AGXT2: variants seen among roughly 807,000 people sequenced by gnomAD.
AGXT2 encodes the protein alanine--glyoxylate aminotransferase 2, also known as alanine--glyoxylate aminotransferase 2, mitochondrial.
AGXT2 carries 61 observed loss-of-function variants against 62.5 expected under a neutral mutation model. That is an observed-to-expected ratio of 0.98 (90% confidence interval 0.79 to 1.21). The LOEUF is 1.21. Ranked by LOEUF, AGXT2 falls within the 50% of genes most tolerant of loss-of-function variation. AGXT2 has a pLI of 0.00. For synonymous variants in AGXT2, 243 were observed against 218.7 expected (o/e 1.11, Z -0.98); for missense variants, 666 against 641.5 (o/e 1.04, Z -0.41).
At position 35,033,464 on chromosome 5, in the gene AGXT2, T is replaced by C. The variant is rs754911570; in HGVS notation, c.671A>G (p.Gln224Arg). 3 of 1,611,144 alleles carry C rather than the reference T, an allele frequency of 1.9e-6. No individual in the cohort carries two copies. In the South Asian group the frequency reaches 3.3e-5, roughly 18 times the overall value. ...GAGAAAAATCTCCAAACTCACTGGT[T>C]GGCAACCTGTCCCACCAGGGAGTTC... ...KMELPGGTGC[Q>R]PTMCPDVFRG... Residue 224 changes from glutamine (Q) to arginine (R), a missense_variant, in exon 6 of 14, where the codon CAA (glutamine) becomes CGA (arginine). Gln to Arg is a conservative substitution (Grantham distance 43). Coordinates refer to ENST00000231420, the MANE Select transcript of AGXT2 (RefSeq NM_031900.4).
chr5:35,012,231 A>G (rs952382451), intron 11 of AGXT2, among the ~76,000 whole-genome samples: 18 of 151,580 alleles, frequency 1.2e-4, no homozygotes, highest in African/African-American at 4.4e-4. Flanking sequence ...AGCTATTGAA[A>G]TAAATAAATA....
chr5:35,043,881 C>A (rs183451843), intron 1 of AGXT2, among the ~76,000 whole-genome samples: 66 of 152,096 alleles, frequency 4.3e-4, no homozygotes, highest in African/African-American at 1.5e-3. Flanking sequence ...TAGTAGAGAT[C>A]GGGTTTCTCC....
chr5:35,003,082 C>T (rs926743901), intron 13 of AGXT2, among the ~76,000 whole-genome samples: 2 of 152,194 alleles, frequency 1.3e-5, no homozygotes, highest in African/African-American at 4.8e-5. Flanking sequence ...TGAGGGGCAG[C>T]CTCTCGGGCA....
intron 13 of AGXT2, among the ~76,000 whole-genome samples, chr5:35,002,378 A>C (rs993936735): frequency 6.6e-6 from 1 of 152,206 alleles, no homozygotes; most frequent in African/African-American, 2.4e-5. Context: ...GGGAGCTTGG[A>C]GAAACAAGCA....
At chr5:35,008,832 G>A (rs539048031) in intron 12 of AGXT2, among the ~76,000 whole-genome samples, 114 of 152,286 alleles carry the variant, frequency 7.5e-4, no homozygotes, top group Admixed American at 2.7e-3. Flanking sequence ...GGGAAAGCTG[G>A]ATCCCTGTAG....
rs6869188 is a variant in AGXT2, at chr5:35,041,220, C to T, written c.89-557G>A. ...AGACCCAGAAGACAAAACCTCCCCC[C>T]GCCAAAAAAAAAAAAAAAAAAAGGC... is the stretch of plus-strand genomic sequence containing the variant. On this transcript the variant is annotated intron_variant, in intron 1 of 13. Transcript: ENST00000231420. Among the ~76,000 whole-genome samples the T allele has an allele frequency of 0.025, 279 of 11,344 alleles. 1 individual carries two copies. The Middle Eastern group carries it at 0.38, about 15-fold the overall frequency. The allele number at this position is 11,344 out of a possible 152,430, so 7.4% of individuals were successfully genotyped here.
At chr5:35,045,241 T>C (rs1768141168) in intron 1 of AGXT2, among the ~76,000 whole-genome samples, 1 of 152,202 alleles carries the variant, frequency 6.6e-6, no homozygotes, top group African/African-American at 2.4e-5. Context: ...ACAGTAACTA[T>C]GTAGATACTA....
intron 8 of AGXT2, 31 bp downstream of exon 8, chr5:35,026,358 TTCTGATAATTGAAGATTCAGC>T: frequency 6.9e-7 from 1 of 1,453,184 alleles, no homozygotes; most frequent in Non-Finnish European, 9.7e-7. Flanking sequence ...AGTTAAAACT[TTCTGATAATTGAAGATTCAGC>T]TCCATTAATG....
At position 35,044,479 on chromosome 5, in the gene AGXT2, G is replaced by C. The variant is rs143780566; in HGVS notation, c.88+3326C>G. 3.1e-4 allele frequency among the ~76,000 whole-genome samples: 47 copies of C among 152,332 alleles called. 1 individual carries two copies. The highest frequency in any genetic ancestry group is 1.1e-3 in the African/African-American group (46 of 41,572). ...CCTCTGTCCCATGCGTGCTCTGGGT[G>C]CAAGGATGATGGCAGTGAATGCCAG... is the stretch of plus-strand genomic sequence containing the variant. On this transcript the variant is annotated intron_variant, in intron 1 of 13. Transcript: ENST00000231420.
At chr5:35,023,967 CATTG>C (rs1767224086) in intron 9 of AGXT2, among the ~76,000 whole-genome samples, 1 of 152,152 alleles carries the variant, frequency 6.6e-6, no homozygotes, top group African/African-American at 2.4e-5. Flanking sequence ...GATCTTGGCT[CATTG>C]CAACCTCCAC....
In AGXT2 at chr5:35,002,439, C is replaced by T. The variant is rs138556804; in HGVS notation, c.1437+1324G>A. Among the ~76,000 whole-genome samples, 344 of 152,288 alleles carry T rather than the reference C, an allele frequency of 2.3e-3. 2 individuals are homozygous for T. Among genetic ancestry groups the T allele is most frequent in the Non-Finnish European group, 3.7e-3 (252 of 68,016 alleles). On this transcript the variant is annotated intron_variant, in intron 13 of 13. Coordinates refer to ENST00000231420, the MANE Select transcript of AGXT2 (RefSeq NM_031900.4). ...AAGGAGAAATGCCTCATTTCTGGAA[C>T]CTTCAGGGAAGGAAGTGCTATGATC...
At chr5:35,001,599 G>A (rs1286707758) in intron 13 of AGXT2, among the ~76,000 whole-genome samples, 1 of 152,164 alleles carries the variant, frequency 6.6e-6, no homozygotes, top group East Asian at 1.9e-4. Flanking sequence ...AAATGAGTCA[G>A]TTCATGCAAA....
At chr5:35,041,534 T>C (rs1384273829) in intron 1 of AGXT2, among the ~76,000 whole-genome samples, 5 of 151,920 alleles carry the variant, frequency 3.3e-5, no homozygotes, top group Non-Finnish European at 7.4e-5. Context: ...CCTGCAGCAG[T>C]GGGATGGAAT....
At chr5:35,038,255 A>G (rs188412327) in intron 3 of AGXT2, among the ~76,000 whole-genome samples, 1 of 152,314 alleles carries the variant, frequency 6.6e-6, no homozygotes, top group East Asian at 1.9e-4. Flanking sequence ...AAAAGAAGAG[A>G]CATTTGACAA....
At chr5:35,027,107 A>G (rs886806960) in intron 7 of AGXT2, 2 of 741,246 alleles carry the variant, frequency 2.7e-6, no homozygotes, top group Non-Finnish European at 3.3e-6. Flanking sequence ...TCTCCGATTA[A>G]TCAGGAGGTT....
At chr5:35,029,568 A>G (rs1308265457) in intron 7 of AGXT2, among the ~76,000 whole-genome samples, 1 of 152,246 alleles carries the variant, frequency 6.6e-6, no homozygotes. Flanking sequence ...AAGCGGGTGG[A>G]GACAGGATGT....
At chr5:35,035,006 C>T (rs1022291209) in intron 5 of AGXT2, among the ~76,000 whole-genome samples, 5 of 152,092 alleles carry the variant, frequency 3.3e-5, no homozygotes, top group African/African-American at 7.2e-5. Flanking sequence ...TCAAGCTGGT[C>T]GTGACCAGTT....
intron 5 of AGXT2, among the ~76,000 whole-genome samples, chr5:35,034,704 C>T (rs1767700275): frequency 6.6e-6 from 1 of 152,144 alleles, no homozygotes; most frequent in African/African-American, 2.4e-5. Context: ...GCTCAAAAGT[C>T]ACTGAAAGAA....
chr5:35,002,407 A>T (rs6888701), intron 13 of AGXT2, among the ~76,000 whole-genome samples: 6,927 of 152,218 alleles, frequency 0.046, 214 homozygotes, highest in African/African-American at 0.085. Context: ...GAAGATCTAG[A>T]TTTGAAAAGG....
Sources: allele counts gnomAD v4.1 joint callset (sites outside exome capture counted in the v4.1 genomes callset), GRCh38; gene constraint gnomAD v4.1.1; transcripts MANE v1.5; gene names NCBI Gene and HGNC (gene_info 2026-07-23, HGNC 2026-07-21).